DIAPH1: variants seen among roughly 807,000 people sequenced by gnomAD.
DIAPH1 encodes diaphanous related formin 1, also known as protein diaphanous homolog 1.
In DIAPH1, 46 loss-of-function variants were observed where a neutral mutation model predicts 140.7. The ratio of observed to expected loss-of-function variants is 0.33; its 90% CI spans 0.26 to 0.42. DIAPH1 has a LOEUF of 0.42. Ranked by LOEUF, DIAPH1 falls within the 10% of genes least tolerant of loss-of-function variation. The pLI is 1.00. For missense variants in DIAPH1, 1,310 were observed against 1,558.7 expected, an observed-to-expected ratio of 0.84 and a Z score of 2.69; for synonymous variants, 565 against 551.6, an observed-to-expected ratio of 1.02 and a Z score of -0.34.
At chr5:141,571,897 A>C (rs745544875) in intron 17 of DIAPH1, 29 bp downstream of exon 17, 2 of 1,468,332 alleles carry the variant, frequency 1.4e-6, no homozygotes, top group Non-Finnish European at 1.9e-6. Context: ...CCTACACTGG[A>C]CCTTTGCATC....
At chr5:141,527,217 G>C (rs2099887484) in intron 24 of DIAPH1, among the ~76,000 whole-genome samples, 1 of 151,962 alleles carries the variant, frequency 6.6e-6, no homozygotes, top group Admixed American at 6.6e-5. Flanking sequence ...ATGCAGCCTG[G>C]GCAACAAAGT....
chr5:141,549,140 A>G (rs2099891295), intron 18 of DIAPH1, among the ~76,000 whole-genome samples: 1 of 152,182 alleles, frequency 6.6e-6, no homozygotes, highest in Non-Finnish European at 1.5e-5. Context: ...AACATACTAA[A>G]TATGTGCTGC....
At chr5:141,523,804 T>C (rs1416754301) in intron 27 of DIAPH1, among the ~76,000 whole-genome samples, 3 of 151,570 alleles carry the variant, frequency 2.0e-5, no homozygotes, top group African/African-American at 2.4e-5. Flanking sequence ...ATATCTAATA[T>C]ACATTTTGTA....
rs1226907342 is a variant in DIAPH1 at position 141,601,553 on chromosome 5, GTGC to G, written c.118-13306_118-13304del. On this transcript the variant is annotated intron_variant, in intron 1 of 27. Transcript: ENST00000389054. ...GATCCATCTGCCTCAGCCTCCCAAAGTGCTGGGATGACAGGCGTGAGCCACCGC... is the reference window on the plus strand; with the variant it reads ...GATCCATCTGCCTCAGCCTCCCAAAGTGGGATGACAGGCGTGAGCCACCGC... 3.9e-5 allele frequency among the ~76,000 whole-genome samples: 6 copies of G among 152,172 alleles called. No individual in the cohort carries two copies. The East Asian group carries it at 1.2e-3, about 29-fold the overall frequency.
chr5:141,534,446 A>G lies in DIAPH1; in HGVS notation c.2483-13T>C. The G allele has an allele frequency of 6.2e-7, 1 of 1,608,866 alleles. No individual in the cohort carries two copies. The highest frequency in any genetic ancestry group is 8.5e-7 in the Non-Finnish European group (1 of 1,176,218). ...TGATCCTTCTTGGCTAGCAGGGAAA[A>G]GATTAGAAAAGCATGATTAAAAGTA... On this transcript the variant is annotated splice_polypyrimidine_tract_variant and intron_variant, in intron 18 of 27. Coordinates refer to ENST00000389054, the MANE Select transcript of DIAPH1 (RefSeq NM_005219.5).
intron 18 of DIAPH1, among the ~76,000 whole-genome samples, chr5:141,552,869 T>C (rs1489070100): frequency 6.6e-6 from 1 of 152,170 alleles, no homozygotes; most frequent in East Asian, 1.9e-4. Context: ...TGAAACTTGC[T>C]AACACCTTGA....
intron 18 of DIAPH1, among the ~76,000 whole-genome samples, chr5:141,546,686 T>A (rs2099890855): frequency 6.7e-6 from 1 of 150,096 alleles, no homozygotes; most frequent in South Asian, 2.1e-4. Context: ...GAGACTCTCC[T>A]CCTTAAGCTG....
In DIAPH1 at chr5:141,578,205, C is replaced by T. The variant is rs551218805; in HGVS notation, c.1163+20G>A. 1.9e-6 allele frequency: 3 copies of T among 1,566,264 alleles called. No individual in the cohort carries two copies. The highest frequency in any genetic ancestry group is 2.2e-5 in the East Asian group (1 of 44,612). On this transcript the variant is annotated intron_variant, in intron 11 of 27. Coordinates refer to ENST00000389054, the MANE Select transcript of DIAPH1 (RefSeq NM_005219.5). ...CAATGAATGTCTCATCTGCCTTGAA[C>T]CTAGTCAGCAAAAGGATATTCCATC...
chr5:141,534,502 T>C, intron 18 of DIAPH1, 69 bp from the exon 19 acceptor site: 1 of 1,252,490 alleles, frequency 8.0e-7, no homozygotes, highest in Non-Finnish European at 1.2e-6. Context: ...AAGCAACTAC[T>C]GTCCAGCGTG....
chr5:141,613,751 G>A (rs2154597401), intron 1 of DIAPH1, among the ~76,000 whole-genome samples: 1 of 151,542 alleles, frequency 6.6e-6, no homozygotes, highest in East Asian at 1.9e-4. Context: ...CCTTAAAAAG[G>A]GTTTCTTGAT....
At chr5:141,603,731 T>C (rs980698770) in intron 1 of DIAPH1, among the ~76,000 whole-genome samples, 1 of 152,226 alleles carries the variant, frequency 6.6e-6, no homozygotes, top group Non-Finnish European at 1.5e-5. Flanking sequence ...TAAACCTTAT[T>C]TCCCAATTAT....
intron 1 of DIAPH1, among the ~76,000 whole-genome samples, chr5:141,617,513 G>T (rs1429228755): frequency 1.3e-5 from 2 of 152,076 alleles, no homozygotes; most frequent in Admixed American, 6.5e-5. Context: ...TGTTTCCATC[G>T]CTTTATCAGT....
intron 1 of DIAPH1, among the ~76,000 whole-genome samples, chr5:141,616,886 T>C (rs747263173): frequency 5.9e-5 from 9 of 152,226 alleles, no homozygotes; most frequent in East Asian, 1.9e-4. Flanking sequence ...ATTAAACATA[T>C]AGAAGACTTC....
intron 1 of DIAPH1, among the ~76,000 whole-genome samples, chr5:141,592,409 C>T (rs2099898639): frequency 6.6e-6 from 1 of 152,048 alleles, no homozygotes; most frequent in Non-Finnish European, 1.5e-5. Flanking sequence ...CAGCTTTGTT[C>T]AGTAGTCATT....
At chr5:141,526,507 C>A in intron 24 of DIAPH1, 46 bp from the exon 25 acceptor site, 1 of 1,610,850 alleles carries the variant, frequency 6.2e-7, no homozygotes, top group Middle Eastern at 1.7e-4. Flanking sequence ...AAGAAGCAGA[C>A]CCACTTCTCT....
Position 141,516,745 on chromosome 5 carries a change from G to T in DIAPH1, c.*106C>A. On this transcript the variant is annotated 3_prime_UTR_variant, in exon 28 of 28. Transcript: ENST00000389054. ...AGAGAAAGACAGGGTCAGGGTGGTG[G>T]GAGTGGCCACCCCAGAGGAATATCC... 1 of 1,268,688 alleles carries T rather than the reference G, an allele frequency of 7.9e-7. No individual in the cohort carries two copies. The highest frequency in any genetic ancestry group is 1.1e-6 in the Non-Finnish European group (1 of 884,510). 78.6% of individuals were successfully genotyped at this position (1,268,688 alleles called of 1,614,324 possible).
chr5:141,599,831 A>G (rs1273396939), intron 1 of DIAPH1, among the ~76,000 whole-genome samples: 1 of 152,226 alleles, frequency 6.6e-6, no homozygotes, highest in Non-Finnish European at 1.5e-5. Context: ...ATGATAGGAT[A>G]TCATTCCTGT....
intron 1 of DIAPH1, among the ~76,000 whole-genome samples, chr5:141,616,752 C>G (rs250792): frequency 6.6e-6 from 1 of 152,278 alleles, no homozygotes; most frequent in African/African-American, 2.4e-5. Context: ...TCCTCATTAC[C>G]TGAGCTATTT....
chr5:141,529,810 A>G (rs2099887924), intron 19 of DIAPH1, 113 bp from the exon 20 acceptor site: 1 of 905,116 alleles, frequency 1.1e-6, no homozygotes, highest in Non-Finnish European at 1.8e-6. Flanking sequence ...TAGGCCAGGC[A>G]CAGTGGCTCA....
Sources: gnomAD v4.1 joint callset for allele counts (sites outside exome capture counted in the v4.1 genomes callset) on GRCh38, gnomAD v4.1.1 for gene constraint, MANE v1.5 for transcripts, NCBI Gene and HGNC (gene_info 2026-07-23, HGNC 2026-07-21) for gene names.